The following DENND2B variants were observed in gnomAD, a reference collection of about 807,000 sequenced individuals.
The protein encoded by DENND2B is DENN domain containing 2B, also known as DENN domain-containing protein 2B.
In DENND2B, 32 loss-of-function variants were observed where a neutral mutation model predicts 116.0. That is an observed-to-expected ratio of 0.28 (90% CI 0.21 to 0.37). The LOEUF (loss-of-function observed/expected upper bound fraction) is 0.37. Ranked by LOEUF, DENND2B falls within the 10% of genes least tolerant of loss-of-function variation. The pLI is 1.00. For synonymous variants in DENND2B, 588 were observed against 583.9 expected, an observed-to-expected ratio of 1.01 and a Z score of -0.10; for missense variants, 1,276 against 1,477.7, an observed-to-expected ratio of 0.86 and a Z score of 2.24.
chr11:8,867,168 A>C (rs2063610591), intron 2 of DENND2B, among the ~76,000 whole-genome samples: 1 of 152,198 alleles, frequency 6.6e-6, no homozygotes, highest in Non-Finnish European at 1.5e-5. Context: ...TACAGGTTGC[A>C]CAAGAAATAG....
At chr11:8,842,220 G>C (rs1348917664) in intron 3 of DENND2B, among the ~76,000 whole-genome samples, 5 of 152,126 alleles carry the variant, frequency 3.3e-5, no homozygotes. Context: ...GCTTTTTAGA[G>C]ACTTTTTTAA....
chr11:8,722,206 G>A (rs1292629247), intron 4 of DENND2B, among the ~76,000 whole-genome samples: 2 of 152,194 alleles, frequency 1.3e-5, no homozygotes, highest in Non-Finnish European at 2.9e-5. Context: ...ATCATGCCTA[G>A]TGTAGGCAGG....
intron 1 of DENND2B, among the ~76,000 whole-genome samples, chr11:8,883,003 T>G (rs550042092): frequency 6.6e-6 from 1 of 152,258 alleles, no homozygotes; most frequent in East Asian, 1.9e-4. Context: ...ATCAAATAAT[T>G]TTTAAATATT....
At chr11:8,909,247 T>A (rs1467307458) in intron 1 of DENND2B, among the ~76,000 whole-genome samples, 1 of 151,972 alleles carries the variant, frequency 6.6e-6, no homozygotes, top group East Asian at 1.9e-4. Flanking sequence ...ATTTAAAAAA[T>A]TTGCAGGGCG....
intron 1 of DENND2B, among the ~76,000 whole-genome samples, chr11:8,765,180 T>C (rs1277630665): frequency 1.3e-5 from 2 of 152,068 alleles, no homozygotes; most frequent in African/African-American, 4.8e-5. Context: ...AACAATGCAG[T>C]CTGCTGGAGC....
intron 5 of DENND2B, 27 bp from the exon 6 acceptor site, chr11:8,715,845 A>T (rs370477078): frequency 8.3e-6 from 13 of 1,568,098 alleles, no homozygotes; most frequent in Non-Finnish European, 1.1e-5. Context: ...GACGTGCGAG[A>T]GGGGCTTGCC....
At chr11:8,817,505 C>T (rs1280851211) in intron 4 of DENND2B, among the ~76,000 whole-genome samples, 1 of 152,076 alleles carries the variant, frequency 6.6e-6, no homozygotes, top group Non-Finnish European at 1.5e-5. Flanking sequence ...GACCTAATTC[C>T]CCCTGCCTCT....
intron 2 of DENND2B, among the ~76,000 whole-genome samples, chr11:8,741,303 C>T (rs960566817): frequency 2.0e-5 from 3 of 152,220 alleles, no homozygotes; most frequent in Non-Finnish European, 2.9e-5. Context: ...TAAGGAAGCA[C>T]CAAGTGGACC....
chr11:8,841,970 T>G (rs1456384318), intron 3 of DENND2B, among the ~76,000 whole-genome samples: 2 of 152,158 alleles, frequency 1.3e-5, no homozygotes, highest in Admixed American at 6.5e-5. Context: ...TCCCCCATTC[T>G]CCACGATTTC....
At chr11:8,898,784 G>C (rs2134755177) in intron 1 of DENND2B, among the ~76,000 whole-genome samples, 1 of 152,232 alleles carries the variant, frequency 6.6e-6, no homozygotes, top group Middle Eastern at 3.4e-3. Context: ...GTTGACCTCT[G>C]ATCTAAAATG....
intron 2 of DENND2B, among the ~76,000 whole-genome samples, chr11:8,879,089 T>C (rs1446521552): frequency 6.6e-6 from 1 of 152,258 alleles, no homozygotes; most frequent in Admixed American, 6.5e-5. Flanking sequence ...CTCACTGTTA[T>C]ACTTCCCAGT....
intron 1 of DENND2B, chr11:8,776,160 G>GTGCACACACACACA (rs2057668773): frequency 2.8e-6 from 1 of 356,066 alleles, no homozygotes; most frequent in African/African-American, 2.4e-5. Flanking sequence ...GCGCGCGCGC[G>GTGCACACACACACA]CACACACACA....
intron 1 of DENND2B, among the ~76,000 whole-genome samples, chr11:8,795,750 T>G (rs1285766446): frequency 6.6e-6 from 1 of 152,232 alleles, no homozygotes; most frequent in African/African-American, 2.4e-5. Flanking sequence ...TCCTGCTTCC[T>G]GGGGAAAGTG....
chr11:8,873,645 C>T (rs988833679), upstream of DENND2B, among the ~76,000 whole-genome samples: 14 of 152,142 alleles, frequency 9.2e-5, no homozygotes, highest in African/African-American at 3.4e-4. Flanking sequence ...CAAACAAGGT[C>T]GACTATGTAT....
chr11:8,735,376 A>G (rs1393533696), intron 2 of DENND2B, among the ~76,000 whole-genome samples: 1 of 152,244 alleles, frequency 6.6e-6, no homozygotes, highest in Non-Finnish European at 1.5e-5. Flanking sequence ...CCAGCCGGAC[A>G]CAGCTACATG....
chr11:8,704,463 G>A (rs375972159), intron 13 of DENND2B, among the ~76,000 whole-genome samples: 1 of 152,204 alleles, frequency 6.6e-6, no homozygotes, highest in African/African-American at 2.4e-5. Context: ...CGCTATAAGG[G>A]AAGGGTCCCC....
At chr11:8,895,537 A>C (rs927845697) in intron 1 of DENND2B, 1 of 152,212 alleles carries the variant, frequency 6.6e-6, no homozygotes, top group African/African-American at 2.4e-5. Context: ...TACTTACAGT[A>C]GTCAAAATAA....
At chr11:8,893,930 A>T (rs1015542295) in intron 1 of DENND2B, among the ~76,000 whole-genome samples, 1 of 152,036 alleles carries the variant, frequency 6.6e-6, no homozygotes, top group Non-Finnish European at 1.5e-5. Flanking sequence ...AAAAGAGCCC[A>T]CATTGCCAAG....
At chr11:8,742,097 G>A (rs2050324317) in intron 2 of DENND2B, among the ~76,000 whole-genome samples, 1 of 152,172 alleles carries the variant, frequency 6.6e-6, no homozygotes, top group African/African-American at 2.4e-5. Flanking sequence ...ACAGGGTCTT[G>A]CTATGTTGCC....
Sources: gnomAD v4.1 joint callset for allele counts (sites outside exome capture counted in the v4.1 genomes callset) on GRCh38, gnomAD v4.1.1 for gene constraint, MANE v1.5 for transcripts, NCBI Gene and HGNC (gene_info 2026-07-23, HGNC 2026-07-21) for gene names.